The following MTA3 variants were observed in gnomAD, a reference collection of about 807,000 sequenced individuals.
MTA3 encodes metastasis associated 1 family member 3.
In MTA3, 34 loss-of-function variants were observed where a neutral mutation model predicts 83.5. That is an observed-to-expected ratio of 0.41 (90% CI 0.31 to 0.54). The LOEUF is 0.54. MTA3 is among the 20% of genes least tolerant of loss of function. The pLI is 0.33. For missense variants in MTA3, 761 were observed against 726.4 expected, an observed-to-expected ratio of 1.05 and a Z score of -0.55; for synonymous variants, 303 against 252.7, an observed-to-expected ratio of 1.20 and a Z score of -1.89.
intron 4 of MTA3, among the ~76,000 whole-genome samples, chr2:42,616,496 T>A (rs927764251): frequency 6.6e-6 from 1 of 151,322 alleles, no homozygotes. Flanking sequence ...TTGTATGGGG[T>A]TTACATTTAA....
Position 42,701,218 on chromosome 2 carries a change from C to T in MTA3, c.1026-2976C>T, listed in dbSNP as rs567386773. Among the ~76,000 whole-genome samples the T allele has an allele frequency of 1.3e-3, 193 of 149,226 alleles. 1 individual carries two copies. The highest frequency in any genetic ancestry group is 4.7e-3 in the African/African-American group (188 of 40,350). ...TCAGGAGGCTGAGGTGGGAGGATCA[C>T]CTGAGCCTGAGAGGTTGAGGCTGCA... On this transcript the variant is annotated intron_variant, in intron 11 of 16. Transcript: ENST00000405094.
intron 3 of MTA3, among the ~76,000 whole-genome samples, chr2:42,601,475 T>C (rs1346526627): frequency 6.6e-6 from 1 of 152,210 alleles, no homozygotes; most frequent in Non-Finnish European, 1.5e-5. Flanking sequence ...CTGCCTTGTC[T>C]GTTTTGTTGT....
chr2:42,579,011 G>T (rs1003286776), intron 2 of MTA3, 96 bp from the exon 3 acceptor site: 3 of 775,472 alleles, frequency 3.9e-6, no homozygotes, highest in East Asian at 2.9e-5. Context: ...GTGTTAATGA[G>T]CATGATCATA....
chr2:42,602,432 T>G (rs545287163), intron 3 of MTA3, among the ~76,000 whole-genome samples: 5 of 152,336 alleles, frequency 3.3e-5, no homozygotes, highest in African/African-American at 1.2e-4. Context: ...TGTTGGTTCA[T>G]GTGGTGGAAG....
chr2:42,569,220 C>T lies in MTA3; in HGVS notation c.28+447C>T, dbSNP rs1558442232. Among the ~76,000 whole-genome samples the T allele has an allele frequency of 6.6e-5, 10 of 151,038 alleles. No individual in the cohort carries two copies. In the South Asian group the frequency reaches 1.9e-3, roughly 28 times the overall value. ...GGGGTGGGGGTGGGGGCGGTGGGGG[C>T]CCAGCCAGGGGCCCAGCTGGACGGG... On this transcript the variant is annotated intron_variant, in intron 1 of 16. Coordinates refer to ENST00000405094, the MANE Select transcript of MTA3 (RefSeq NM_001330442.2).
chr2:42,643,913 T>G (rs763639431), intron 5 of MTA3, among the ~76,000 whole-genome samples: 1 of 152,252 alleles, frequency 6.6e-6, no homozygotes, highest in Non-Finnish European at 1.5e-5. Flanking sequence ...CTACTTTGTT[T>G]CAAGCTGTTT....
chr2:42,565,220 T>C (rs1303537511), upstream of MTA3, among the ~76,000 whole-genome samples: 2 of 152,110 alleles, frequency 1.3e-5, no homozygotes, highest in African/African-American at 4.8e-5. Flanking sequence ...AGAGTCTTGC[T>C]CTATTACCCA....
At chr2:42,632,422 C>G (rs1686775015) in intron 4 of MTA3, among the ~76,000 whole-genome samples, 1 of 152,114 alleles carries the variant, frequency 6.6e-6, no homozygotes, top group Non-Finnish European at 1.5e-5. Flanking sequence ...TTAACCATCC[C>G]CACAAGTACT....
At position 42,697,742 on chromosome 2, in the gene MTA3, G is replaced by A. The variant is rs759425785; in HGVS notation, c.967-34G>A. On this transcript the variant is annotated intron_variant, in intron 10 of 16. Coordinates refer to ENST00000405094, the MANE Select transcript of MTA3 (RefSeq NM_001330442.2). ...TGAACAGTAGTAATAATTAGGCATTGCATGTAAAATGTTTTATTCATCTTT... is the reference window on the plus strand; with the variant it reads ...TGAACAGTAGTAATAATTAGGCATTACATGTAAAATGTTTTATTCATCTTT... 6 of 1,398,180 alleles carry A rather than the reference G, an allele frequency of 4.3e-6. No individual in the cohort carries two copies. In the South Asian group the frequency reaches 7.0e-5, roughly 16 times the overall value. The allele number at this position is 1,398,180 out of a possible 1,614,324, so 86.6% of individuals were successfully genotyped here.
At chr2:42,606,220 G>A (rs866726976) in intron 3 of MTA3, among the ~76,000 whole-genome samples, 8 of 141,468 alleles carry the variant, frequency 5.7e-5, no homozygotes, top group Admixed American at 3.5e-4. Context: ...CCTCCCTCCC[G>A]GACGGGGTGG....
chr2:42,708,614 T>G (rs1463840656), intron 13 of MTA3, among the ~76,000 whole-genome samples: 1 of 152,172 alleles, frequency 6.6e-6, no homozygotes, highest in Non-Finnish European at 1.5e-5. Context: ...CCCTTGGCAG[T>G]TTCATACCAC....
At chr2:42,594,374 T>C (rs1267553927) in intron 3 of MTA3, among the ~76,000 whole-genome samples, 2 of 149,412 alleles carry the variant, frequency 1.3e-5, no homozygotes, top group Non-Finnish European at 3.0e-5. Context: ...GTAGCTGGAA[T>C]TACAGGTGTG....
chr2:42,682,363 T>C (rs1692011030), intron 8 of MTA3, 38 bp from the exon 9 acceptor site: 3 of 1,470,504 alleles, frequency 2.0e-6, no homozygotes, highest in Non-Finnish European at 2.8e-6. Context: ...CATGTTTGCA[T>C]TTCTGGTTGA....
chr2:42,586,531 A>G (rs1180584922), intron 3 of MTA3, among the ~76,000 whole-genome samples: 1 of 105,186 alleles, frequency 9.5e-6, no homozygotes, highest in Non-Finnish European at 2.0e-5. Flanking sequence ...CAAAGGAAGG[A>G]AAAACACACA....
chr2:42,598,584 T>G (rs1197918679), intron 3 of MTA3, among the ~76,000 whole-genome samples: 1 of 152,218 alleles, frequency 6.6e-6, no homozygotes, highest in Non-Finnish European at 1.5e-5. Flanking sequence ...TAAATGCTTC[T>G]TTTGTATGTT....
rs1487704604 is a variant in MTA3 at position 42,755,657 on chromosome 2, G to A, written c.*2258G>A. 22 of 985,374 alleles carry A rather than the reference G, an allele frequency of 2.2e-5. No homozygotes were observed. Among genetic ancestry groups the A allele is most frequent in the Non-Finnish European group, 2.7e-5 (22 of 829,988 alleles). The allele number at this position is 985,374 out of a possible 1,614,324, so 61.0% of individuals were successfully genotyped here. A position where few individuals can be genotyped will look rare whatever the true frequency, so the allele number is the denominator to read the frequency against. On this transcript the variant is annotated 3_prime_UTR_variant, in exon 17 of 17. Transcript: ENST00000405094. ...GGCAATGGAGGAAGGGTGCCGAGGC[G>A]CCTCTAGTCTGTGCCTTTGCCGTTG...
At position 42,709,110 on chromosome 2, in the gene MTA3, A is replaced by G. The variant is rs199623835; in HGVS notation, c.1525+14A>G. On this transcript the variant is annotated intron_variant, in intron 14 of 16. Transcript: ENST00000405094. Reference sequence around the variant, plus strand: ...TTAGGGCAGAATGTAAGATGCTTTTAAATTCTTAACCTTATATGTTGTGCT... The same window carrying G: ...TTAGGGCAGAATGTAAGATGCTTTTGAATTCTTAACCTTATATGTTGTGCT... 6.4e-7 allele frequency: 1 copy of G among 1,572,128 alleles called. No individual in the cohort carries two copies. The highest frequency in any genetic ancestry group is 8.6e-7 in the Non-Finnish European group (1 of 1,158,274).
chr2:42,520,701 G>A (rs1158738131), intron 2 of MTA3, among the ~76,000 whole-genome samples: 1 of 151,958 alleles, frequency 6.6e-6, no homozygotes, highest in African/African-American at 2.4e-5. Flanking sequence ...AAGTAGCTAG[G>A]ACTACAGGTG....
intron 2 of MTA3, among the ~76,000 whole-genome samples, chr2:42,523,105 C>T (rs959554382): frequency 6.6e-6 from 1 of 152,130 alleles, no homozygotes; most frequent in Non-Finnish European, 1.5e-5. Context: ...CCATCACACC[C>T]AGCCCAAAGA....
Sources: allele counts gnomAD v4.1 joint callset (sites outside exome capture counted in the v4.1 genomes callset), GRCh38; gene constraint gnomAD v4.1.1; transcripts MANE v1.5; gene names NCBI Gene and HGNC (gene_info 2026-07-23, HGNC 2026-07-21).